The following DCAF1 variants were observed in gnomAD, a reference collection of about 807,000 sequenced individuals.
DCAF1 encodes DDB1- and CUL4-associated factor 1.
A neutral mutation model predicts 128.0 loss-of-function variants in DCAF1; 15 were observed. That is an observed-to-expected ratio of 0.12 (90% CI 0.08 to 0.18). The LOEUF is 0.18. DCAF1 is among the 10% of genes least tolerant of loss of function. The probability of loss-of-function intolerance (pLI) is 1.00; values close to 1 mark genes in which losing one functional copy is unlikely to be tolerated. For missense variants in DCAF1, 988 were observed against 1,649.5 expected (o/e 0.60, Z 6.95); for synonymous variants, 610 against 603.0 (o/e 1.01, Z -0.17).
At chr3:51,500,299 A>G (rs939781769), upstream of DCAF1, among the ~76,000 whole-genome samples, 2 of 151,990 alleles carry the variant, frequency 1.3e-5, no homozygotes, top group Non-Finnish European at 2.9e-5. Flanking sequence ...CTGAGTACTC[A>G]TTGGCTGCTT....
intron 3 of DCAF1, among the ~76,000 whole-genome samples, chr3:51,481,749 G>A (rs537279317): frequency 1.3e-5 from 2 of 152,166 alleles, no homozygotes; most frequent in African/African-American, 4.8e-5. Context: ...CCAGCACTTT[G>A]AGAGGCCGAG....
intron 9 of DCAF1, chr3:51,437,266 CAAAAAAAAAAAAA>C (rs71633071): frequency 1.6e-5 from 4 of 256,608 alleles, no homozygotes; most frequent in African/African-American, 9.6e-5. Context: ...GACTCCATGT[CAAAAAAAAAAAAA>C]AAAAAAAAAA....
intron 23 of DCAF1, among the ~76,000 whole-genome samples, chr3:51,408,032 T>C (rs1436662757): frequency 7.6e-5 from 11 of 145,376 alleles, no homozygotes; most frequent in Non-Finnish European, 1.5e-4. Context: ...AAACTTCTAA[T>C]GGATAATAAT....
chr3:51,419,540 G>T (rs1319827283), intron 15 of DCAF1, among the ~76,000 whole-genome samples, 194 bp downstream of exon 15: 2 of 152,124 alleles, frequency 1.3e-5, no homozygotes, highest in African/African-American at 4.8e-5. Context: ...GAACACAAAC[G>T]ATTATATCAA....
At chr3:51,492,117 C>T (rs1707723555) in intron 2 of DCAF1, among the ~76,000 whole-genome samples, 1 of 151,118 alleles carries the variant, frequency 6.6e-6, no homozygotes, top group Non-Finnish European at 1.5e-5. Flanking sequence ...CGAGACTGCA[C>T]CACTGCACTC....
intron 3 of DCAF1, among the ~76,000 whole-genome samples, chr3:51,475,442 C>T (rs149043193): frequency 2.6e-5 from 4 of 152,078 alleles, no homozygotes; most frequent in Admixed American, 6.5e-5. Context: ...CCCATCTCTA[C>T]TAAAAATTTA....
intron 9 of DCAF1, among the ~76,000 whole-genome samples, chr3:51,433,811 T>C (rs1429392495): frequency 6.8e-6 from 1 of 147,770 alleles, no homozygotes; most frequent in Non-Finnish European, 1.5e-5. Flanking sequence ...CTGGGTGCAG[T>C]GGCTCACGCC....
At chr3:51,422,857 A>G (rs1432918010) in intron 13 of DCAF1, among the ~76,000 whole-genome samples, 2 of 152,110 alleles carry the variant, frequency 1.3e-5, no homozygotes, top group Non-Finnish European at 2.9e-5. Context: ...TGAACCCAGG[A>G]GTTTGAGACC....
intron 23 of DCAF1, among the ~76,000 whole-genome samples, chr3:51,404,318 T>C (rs1233513391): frequency 6.6e-6 from 1 of 152,224 alleles, no homozygotes; most frequent in Non-Finnish European, 1.5e-5. Flanking sequence ...ATTGTTACAA[T>C]AATAAAATGT....
chr3:51,495,144 G>A (rs183968725), intron 2 of DCAF1, among the ~76,000 whole-genome samples: 18 of 151,970 alleles, frequency 1.2e-4, no homozygotes, highest in African/African-American at 4.3e-4. Context: ...CCAACATGAT[G>A]AAACCCTGTC....
At chr3:51,470,902 A>G (rs1553648189) in intron 4 of DCAF1, 27 bp downstream of exon 4, 3 of 1,471,354 alleles carry the variant, frequency 2.0e-6, no homozygotes, top group South Asian at 1.4e-5. Context: ...AAAAAAAAAG[A>G]CCCACACTTA....
In DCAF1 at chr3:51,414,712, T is replaced by C. The variant is rs1698726145; in HGVS notation, c.3749A>G (p.Gln1250Arg). The change falls in exon 19 of 25, where the codon CAG (glutamine) becomes CGG (arginine). Residue 1250 changes from glutamine (Q) to arginine (R), a missense_variant. This residue lies in a region of DCAF1 where 85 missense variants were observed against 204.6 expected (regional missense o/e 0.42). Transcript: ENST00000684031. ...DGVLWDVRSA[Q>R]AIHKFDKFNM... Reference sequence around the variant, plus strand: ...GAACTTGTCAAACTTGTGGATGGCCTGTGCAGAGCGGACATCCCAGAGGAC... The same window carrying C: ...GAACTTGTCAAACTTGTGGATGGCCCGTGCAGAGCGGACATCCCAGAGGAC... 1 of 1,614,066 alleles carries C rather than the reference T, an allele frequency of 6.2e-7. No homozygotes were observed. Among genetic ancestry groups the C allele is most frequent in the East Asian group, 2.2e-5 (1 of 44,888 alleles).
intron 10 of DCAF1, among the ~76,000 whole-genome samples, chr3:51,430,829 T>C (rs1338251794): frequency 6.6e-6 from 1 of 152,116 alleles, no homozygotes; most frequent in African/African-American, 2.4e-5. Flanking sequence ...CAAAGATAAA[T>C]AATGTCATAG....
At chr3:51,413,466 C>T in intron 20 of DCAF1, 80 bp from the exon 21 acceptor site, 1 of 1,520,704 alleles carries the variant, frequency 6.6e-7, no homozygotes, top group Non-Finnish European at 8.8e-7. Flanking sequence ...TGTTAATGGC[C>T]AATCAAAACA....
At chr3:51,498,787 A>C (rs1708519007) in intron 1 of DCAF1, among the ~76,000 whole-genome samples, 1 of 152,206 alleles carries the variant, frequency 6.6e-6, no homozygotes, top group South Asian at 2.1e-4. Flanking sequence ...CACATCATTA[A>C]GAAAAATACT....
chr3:51,472,411 T>G (rs1322950296), intron 3 of DCAF1, among the ~76,000 whole-genome samples: 1 of 152,164 alleles, frequency 6.6e-6, no homozygotes, highest in Non-Finnish European at 1.5e-5. Flanking sequence ...GGTCTTGCTA[T>G]GTTGCCCAGG....
rs946280889 is a variant in DCAF1 at position 51,418,308 on chromosome 3, G to C, written c.3436-110C>G. 8.7e-6 allele frequency: 13 copies of C among 1,493,746 alleles called. No homozygotes were observed. In the South Asian group the frequency reaches 1.5e-4, roughly 17 times the overall value. The allele number at this position is 1,493,746 out of a possible 1,614,324, so 92.5% of individuals were successfully genotyped here. ...TGCATAAAAATGTTGTTGAATTAAA[G>C]AGACAATTTTATAATCCCCAGAAAC... On this transcript the variant is annotated intron_variant, in intron 16 of 24. Coordinates refer to ENST00000684031, the MANE Select transcript of DCAF1 (RefSeq NM_001387579.1).
chr3:51,420,735 C>T lies in DCAF1; in HGVS notation c.2235G>A (p.Lys745=). Residue 745 remains lysine, a synonymous_variant, in exon 15 of 25, where the codon AAG becomes AAA. Transcript: ENST00000684031. The surrounding 1 kb of genome is among the most constrained non-coding windows in gnomAD (Gnocchi z 6.5). ...IKVLLSLLSI[K]MPITDADQIR... ...TTTGGTCTGCATCTGTGATGGGCAT[C>T]TTAATGGACAGTAAGGACAGGAGCA... 1 of 1,614,026 alleles carries T rather than the reference C, an allele frequency of 6.2e-7. No homozygotes were observed. Among genetic ancestry groups the T allele is most frequent in the Middle Eastern group, 1.6e-4 (1 of 6,062 alleles).
intron 3 of DCAF1, among the ~76,000 whole-genome samples, chr3:51,471,907 A>C (rs567780195): frequency 1.3e-5 from 2 of 151,906 alleles, no homozygotes; most frequent in East Asian, 3.9e-4. Context: ...CCTCTCCCAC[A>C]ACAATTTCTG....
Sources: allele counts gnomAD v4.1 joint callset (sites outside exome capture counted in the v4.1 genomes callset), GRCh38; gene constraint gnomAD v4.1.1; regional missense constraint gnomAD v4.1.1; non-coding constraint Gnocchi (gnomAD v3.1); transcripts MANE v1.5; gene names NCBI Gene and HGNC (gene_info 2026-07-23, HGNC 2026-07-21).